SAE1: variants seen among roughly 807,000 people sequenced by gnomAD.
The protein encoded by SAE1 is SUMO-activating enzyme subunit 1.
SAE1 carries 11 observed loss-of-function variants against 40.6 expected under a neutral mutation model. The ratio of observed to expected loss-of-function variants is 0.27; its 90% CI spans 0.17 to 0.45. SAE1 has a LOEUF of 0.45. SAE1 is among the 20% of genes least tolerant of loss of function. SAE1 has a pLI of 1.00. For synonymous variants in SAE1, 155 were observed against 154.3 expected (o/e 1.00, Z -0.03); for missense variants, 373 against 427.3 (o/e 0.87, Z 1.12).
At chr19:47,134,247 G>C (rs1473874290) in intron 1 of SAE1, among the ~76,000 whole-genome samples, 2 of 152,080 alleles carry the variant, frequency 1.3e-5, no homozygotes, top group African/African-American at 4.8e-5. Flanking sequence ...GGTATTGTGT[G>C]AGTACAGAGT....
In SAE1 at chr19:47,134,258, A is replaced by G. The variant is rs572021980; in HGVS notation, c.98+3230A>G. ...GGTGGGTATTGTGTGAGTACAGAGTATAGAATTAATGGAGGGGTTGGGGAG... is the reference window on the plus strand; with the variant it reads ...GGTGGGTATTGTGTGAGTACAGAGTGTAGAATTAATGGAGGGGTTGGGGAG... On this transcript the variant is annotated intron_variant, in intron 1 of 8. Coordinates refer to ENST00000270225, the MANE Select transcript of SAE1 (RefSeq NM_005500.3). Among the ~76,000 whole-genome samples, 3 of 152,194 alleles carry G rather than the reference A, an allele frequency of 2.0e-5. No homozygotes were observed. In the South Asian group the frequency reaches 6.2e-4, roughly 32 times the overall value.
chr19:47,196,693 A>G (rs1341989363), intron 6 of SAE1, among the ~76,000 whole-genome samples: 1 of 151,830 alleles, frequency 6.6e-6, no homozygotes, highest in East Asian at 1.9e-4. Flanking sequence ...TTTTTCCTCT[A>G]CTGAAAGCTT....
At chr19:47,191,163 C>T (rs541073576) in intron 6 of SAE1, among the ~76,000 whole-genome samples, 15 of 152,236 alleles carry the variant, frequency 9.9e-5, no homozygotes, top group African/African-American at 3.4e-4. Context: ...ATAATCCCAG[C>T]ACTTTGGGAG....
At chr19:47,204,476 G>C (rs528177905) in intron 8 of SAE1, among the ~76,000 whole-genome samples, 2 of 145,524 alleles carry the variant, frequency 1.4e-5, no homozygotes, top group Non-Finnish European at 1.5e-5. Context: ...GGGATTACAG[G>C]CATGAGCCAC....
In SAE1 at chr19:47,143,620, G is replaced by C. The variant is rs982407995; in HGVS notation, c.210+15G>C. ...ATCACGAACAGGTGCGCTGTTGTGAGCTCATTCCTCCCCTGCTCTGGCTCC... is the reference window on the plus strand; with the variant it reads ...ATCACGAACAGGTGCGCTGTTGTGACCTCATTCCTCCCCTGCTCTGGCTCC... On this transcript the variant is annotated intron_variant, in intron 2 of 8. Transcript: ENST00000270225. The C allele has an allele frequency of 2.5e-6, 4 of 1,573,234 alleles. No individual in the cohort carries two copies. The highest frequency in any genetic ancestry group is 1.7e-5 in the Admixed American group (1 of 59,916).
At chr19:47,137,524 T>G (rs550147791) in intron 1 of SAE1, among the ~76,000 whole-genome samples, 74 of 152,320 alleles carry the variant, frequency 4.9e-4, no homozygotes, top group Middle Eastern at 3.4e-3. Flanking sequence ...TTTCTCGCTC[T>G]GTTACCCAGG....
chr19:47,200,819 G>A (rs1336551089), intron 7 of SAE1, among the ~76,000 whole-genome samples: 2 of 151,986 alleles, frequency 1.3e-5, no homozygotes, highest in African/African-American at 4.8e-5. Context: ...AGACCATATG[G>A]CCCATAAAGC....
rs35657499 is a variant in SAE1 at position 47,200,399 on chromosome 19, ATTT to A, written c.878+3044_878+3046del. On this transcript the variant is annotated intron_variant, in intron 7 of 8. Coordinates refer to ENST00000270225, the MANE Select transcript of SAE1 (RefSeq NM_005500.3). Reference sequence around the variant, plus strand: ...AGGCGTGTACTACCAAGCCTGCCTAATTTTTTTTTTTTTTTTTTTTTTTTGTAT... The same window carrying A: ...AGGCGTGTACTACCAAGCCTGCCTAATTTTTTTTTTTTTTTTTTTTTGTAT... Among the ~76,000 whole-genome samples the A allele has an allele frequency of 3.2e-3, 325 of 102,536 alleles. 4 individuals are homozygous for A. The highest frequency in any genetic ancestry group is 0.012 in the African/African-American group (278 of 23,928). 67.3% of individuals were successfully genotyped at this position (102,536 alleles called of 152,430 possible).
chr19:47,194,892 G>A (rs997210882), intron 6 of SAE1, among the ~76,000 whole-genome samples: 32 of 151,796 alleles, frequency 2.1e-4, no homozygotes, highest in Non-Finnish European at 3.2e-4. Flanking sequence ...ACAGGCGTGC[G>A]CCACCACGCC....
chr19:47,195,675 C>T (rs991513756), intron 6 of SAE1, among the ~76,000 whole-genome samples: 2 of 151,158 alleles, frequency 1.3e-5, no homozygotes, highest in African/African-American at 2.4e-5. Context: ...CTTTCCCTTT[C>T]CCTTCCCCTT....
At chr19:47,178,867 C>G (rs1311517768) in intron 6 of SAE1, among the ~76,000 whole-genome samples, 3 of 152,086 alleles carry the variant, frequency 2.0e-5, no homozygotes, top group African/African-American at 4.8e-5. Flanking sequence ...AGTAGCTGTT[C>G]AATATAGTAT....
At chr19:47,158,187 T>G (rs1177311120) in intron 5 of SAE1, among the ~76,000 whole-genome samples, 2 of 152,188 alleles carry the variant, frequency 1.3e-5, no homozygotes, top group Non-Finnish European at 2.9e-5. Context: ...CCAAAGGTTG[T>G]AAAGCCACTT....
chr19:47,192,903 T>TG lies in SAE1; in HGVS notation c.734-4330_734-4329insG, dbSNP rs2058588204. On this transcript the variant is annotated intron_variant, in intron 6 of 8. Transcript: ENST00000270225. ...GTCCAAACAGGCAGTACTTGCCACT[T>TG]CTGCAGTCATTTCTCTACCCTGCCC... Among the ~76,000 whole-genome samples, 4 of 152,214 alleles carry TG rather than the reference T, an allele frequency of 2.6e-5. No individual in the cohort carries two copies. In the South Asian group the frequency reaches 8.3e-4, roughly 32 times the overall value.
chr19:47,209,193 T>A lies in SAE1; in HGVS notation c.983T>A (p.Phe328Tyr), dbSNP rs2058700560. 1.9e-6 allele frequency: 3 copies of A among 1,613,500 alleles called. No individual in the cohort carries two copies. Among genetic ancestry groups the A allele is most frequent in the Non-Finnish European group, 2.5e-6 (3 of 1,179,704 alleles). ...CAGCGGGACCCTCCTCACAACAACT[T>A]CTTCTTCTTCGATGGCATGAAGGGG... ...LSQRDPPHNN[F>Y]FFFDGMKGNG... The change falls in exon 9 of 9, where the codon TTC (phenylalanine) becomes TAC (tyrosine). Residue 328 changes from phenylalanine to tyrosine, a missense_variant. Phe to Tyr is a conservative substitution (Grantham distance 22, BLOSUM62 3). Transcript: ENST00000270225.
intron 5 of SAE1, among the ~76,000 whole-genome samples, chr19:47,168,857 G>A (rs2058413168): frequency 6.6e-6 from 1 of 152,032 alleles, no homozygotes; most frequent in Non-Finnish European, 1.5e-5. Flanking sequence ...ACCCGCCTCG[G>A]CCTCCCAAAG....
intron 1 of SAE1, among the ~76,000 whole-genome samples, chr19:47,137,641 C>T (rs982350823): frequency 2.6e-5 from 4 of 151,366 alleles, no homozygotes; most frequent in Admixed American, 6.6e-5. Context: ...GGACCACAGG[C>T]GTATGCCATA....
At chr19:47,131,655 C>G (rs1041491699) in intron 1 of SAE1, among the ~76,000 whole-genome samples, 5 of 148,728 alleles carry the variant, frequency 3.4e-5, no homozygotes, top group Middle Eastern at 3.5e-3. Flanking sequence ...CTTGATAGGA[C>G]AGGAGACGTA....
intron 6 of SAE1, among the ~76,000 whole-genome samples, chr19:47,176,005 C>G (rs1176081513): frequency 6.6e-6 from 1 of 152,190 alleles, no homozygotes; most frequent in East Asian, 1.9e-4. Context: ...TTGTTAAACC[C>G]TTCCCATTTT....
At position 47,174,563 on chromosome 19, in the gene SAE1, ATT is replaced by A. The variant is rs71180803; in HGVS notation, c.733+4664_733+4665del. The stretch of plus-strand genomic sequence containing the variant: ...AGGCATATGTCACCACGCCTGGCAA[ATT>A]TTTTTTTTTTTTTTTTTTTTTTTGT... On this transcript the variant is annotated intron_variant, in intron 6 of 8. Transcript: ENST00000270225. Among the ~76,000 whole-genome samples, 300 of 88,488 alleles carry A rather than the reference ATT, an allele frequency of 3.4e-3. 4 individuals are homozygous for A. The Admixed American group carries it at 0.036, about 11-fold the overall frequency. 58.1% of individuals were successfully genotyped at this position (88,488 alleles called of 152,430 possible).
Sources: allele counts gnomAD v4.1 joint callset (sites outside exome capture counted in the v4.1 genomes callset), GRCh38; gene constraint gnomAD v4.1.1; transcripts MANE v1.5; gene names NCBI Gene and HGNC (gene_info 2026-07-23, HGNC 2026-07-21).